The following ERBB4 variants were observed in gnomAD, a reference collection of about 807,000 sequenced individuals.
The protein encoded by ERBB4 is erb-b2 receptor tyrosine kinase 4.
A neutral mutation model predicts 158.0 loss-of-function variants in ERBB4; 42 were observed. The observed-to-expected ratio is 0.27, with a 90% CI of 0.21 to 0.34. ERBB4 has a LOEUF of 0.34. Among genes scored for constraint, ERBB4 ranks in the 10% least tolerant of loss-of-function variants. ERBB4 has a pLI of 1.00. For synonymous variants in ERBB4, 583 were observed against 558.7 expected (o/e 1.04, Z -0.61); for missense variants, 1,333 against 1,624.1 (o/e 0.82, Z 3.08).
chr2:212,098,489 G>A (rs2078992274), intron 2 of ERBB4, among the ~76,000 whole-genome samples: 1 of 152,096 alleles, frequency 6.6e-6, no homozygotes, highest in African/African-American at 2.4e-5. Flanking sequence ...AATATATAGA[G>A]TTTGGTCTTT....
chr2:211,935,893 GTTGTTATTA>G (rs541232286), intron 3 of ERBB4, among the ~76,000 whole-genome samples: 29 of 152,040 alleles, frequency 1.9e-4, no homozygotes, highest in African/African-American at 4.8e-4. Flanking sequence ...ATTAATTATG[GTTGTTATTA>G]TTGTTATTAT....
chr2:211,865,877 TG>T (rs1260720652), intron 3 of ERBB4, among the ~76,000 whole-genome samples: 1 of 152,134 alleles, frequency 6.6e-6, no homozygotes, highest in South Asian at 2.1e-4. Flanking sequence ...AAGAAGAAAA[TG>T]AGAGACTCTT....
chr2:211,880,506 C>T (rs2078632721), intron 3 of ERBB4, among the ~76,000 whole-genome samples: 1 of 152,024 alleles, frequency 6.6e-6, no homozygotes, highest in Admixed American at 6.5e-5. Context: ...CATAAGGGGT[C>T]TTCAAAAAGT....
intron 2 of ERBB4, among the ~76,000 whole-genome samples, chr2:212,056,109 G>T (rs890386765): frequency 6.6e-6 from 1 of 152,218 alleles, no homozygotes; most frequent in Non-Finnish European, 1.5e-5. Flanking sequence ...GAAAAACATG[G>T]CACGAGAACT....
At chr2:212,185,312 A>G (rs1035937459) in intron 1 of ERBB4, among the ~76,000 whole-genome samples, 1 of 151,636 alleles carries the variant, frequency 6.6e-6, no homozygotes, top group Non-Finnish European at 1.5e-5. Flanking sequence ...GTGAACCACC[A>G]CACCCAGCCA....
chr2:212,530,059 A>G (rs1692665537), intron 1 of ERBB4, among the ~76,000 whole-genome samples: 1 of 152,180 alleles, frequency 6.6e-6, no homozygotes, highest in African/African-American at 2.4e-5. Flanking sequence ...GGGATCCATG[A>G]AAAGTTTCAG....
At chr2:211,438,007 A>AATAT (rs1389922053) in intron 20 of ERBB4, among the ~76,000 whole-genome samples, 1 of 152,196 alleles carries the variant, frequency 6.6e-6, no homozygotes, top group East Asian at 1.9e-4. Context: ...AAGGGAATAT[A>AATAT]AGGAGGCTCA....
intron 4 of ERBB4, among the ~76,000 whole-genome samples, chr2:211,752,726 G>C (rs1240115692): frequency 2.0e-5 from 3 of 151,900 alleles, no homozygotes; most frequent in African/African-American, 4.8e-5. Context: ...ATATAAAAAG[G>C]CATGTTGCTA....
chr2:212,430,210 CTTTA>C lies in ERBB4; in HGVS notation c.82+108235_82+108238del, dbSNP rs1049973418. Among the ~76,000 whole-genome samples, 34 of 152,150 alleles carry C rather than the reference CTTTA, an allele frequency of 2.2e-4. 1 individual carries two copies. The South Asian group carries it at 5.0e-3, about 22-fold the overall frequency. ...GTTTTATATACATACATACGATGTGCTTTATTTAAGTAGAAACCACGTGTTAAAA... is the reference window on the plus strand; with the variant it reads ...GTTTTATATACATACATACGATGTGCTTTAAGTAGAAACCACGTGTTAAAA... On this transcript the variant is annotated intron_variant, in intron 1 of 27. Transcript: ENST00000342788.
At chr2:212,057,941 T>G (rs948709947) in intron 2 of ERBB4, among the ~76,000 whole-genome samples, 4 of 152,118 alleles carry the variant, frequency 2.6e-5, no homozygotes, top group African/African-American at 9.7e-5. Context: ...AGAGCAGAAC[T>G]GAAGGAGATA....
At chr2:211,619,536 G>A (rs1482540977) in intron 18 of ERBB4, among the ~76,000 whole-genome samples, 1 of 152,014 alleles carries the variant, frequency 6.6e-6, no homozygotes, top group Non-Finnish European at 1.5e-5. Context: ...TTGTGTGCAT[G>A]AAAAAGGCTT....
chr2:212,397,307 TC>T (rs1466936484), intron 1 of ERBB4, among the ~76,000 whole-genome samples: 1 of 151,944 alleles, frequency 6.6e-6, no homozygotes, highest in Non-Finnish European at 1.5e-5. Context: ...AAACCCACTC[TC>T]TACAAAAAAT....
At chr2:211,606,331 A>C (rs145127729) in intron 19 of ERBB4, among the ~76,000 whole-genome samples, 1 of 152,222 alleles carries the variant, frequency 6.6e-6, no homozygotes, top group East Asian at 1.9e-4. Flanking sequence ...GTACATAGAG[A>C]GTTCCTGTAC....
intron 23 of ERBB4, among the ~76,000 whole-genome samples, chr2:211,423,825 C>T (rs1011720901): frequency 1.3e-5 from 2 of 151,534 alleles, no homozygotes; most frequent in South Asian, 4.2e-4. Context: ...TTGATATTTT[C>T]CCATAAAGGT....
chr2:212,452,347 C>T (rs6710782), intron 1 of ERBB4, among the ~76,000 whole-genome samples: 6 of 151,770 alleles, frequency 4.0e-5, no homozygotes, highest in Non-Finnish European at 8.8e-5. Flanking sequence ...TTTTTTGACA[C>T]CTTTGTATAT....
rs569668730 is a variant in ERBB4, at chr2:212,538,628, G to T, written c.-98C>A. The T allele has an allele frequency of 4.8e-5, 59 of 1,241,096 alleles. No homozygotes were observed. Among genetic ancestry groups the T allele is most frequent in the South Asian group, 3.9e-4 (32 of 82,144 alleles). 76.9% of individuals were successfully genotyped at this position (1,241,096 alleles called of 1,614,324 possible). A position where few individuals can be genotyped will look rare whatever the true frequency, so the allele number is the denominator to read the frequency against. On this transcript the variant is annotated 5_prime_UTR_variant, in exon 1 of 28. Transcript: ENST00000342788. ...GGAGATCCCCCAGCCGGGCGCGCGT[G>T]GGGGTGCGAGGGGGGCGGGCGCGGC... is the stretch of plus-strand genomic sequence containing the variant.
At chr2:212,507,615 T>C (rs906709025) in intron 1 of ERBB4, among the ~76,000 whole-genome samples, 1 of 152,108 alleles carries the variant, frequency 6.6e-6, no homozygotes, top group African/African-American at 2.4e-5. Flanking sequence ...AAAACTACAG[T>C]GGAGGAAACA....
At chr2:212,430,939 C>T (rs913509437) in intron 1 of ERBB4, among the ~76,000 whole-genome samples, 1 of 151,980 alleles carries the variant, frequency 6.6e-6, no homozygotes, top group South Asian at 2.1e-4. Flanking sequence ...TTTTAATGAC[C>T]TTCTGACCCC....
chr2:211,610,803 C>A (rs916781320), intron 19 of ERBB4, among the ~76,000 whole-genome samples: 10 of 152,084 alleles, frequency 6.6e-5, no homozygotes, highest in Admixed American at 6.6e-4. Context: ...GTGCAGTAGA[C>A]TATGTGCTCT....
Sources: allele counts gnomAD v4.1 joint callset (sites outside exome capture counted in the v4.1 genomes callset), GRCh38; gene constraint gnomAD v4.1.1; transcripts MANE v1.5; gene names NCBI Gene and HGNC (gene_info 2026-07-23, HGNC 2026-07-21).